PRAC2: variants seen among roughly 807,000 people sequenced by gnomAD.
PRAC2 encodes the protein protein PRAC2.
For synonymous variants in PRAC2, 43 were observed against 49.5 expected (o/e 0.87, Z 0.55); for missense variants, 92 against 114.5 (o/e 0.80, Z 0.90).
upstream of PRAC2, chr17:48,721,760 C>T (rs953755439): frequency 4.1e-6 from 6 of 1,455,236 alleles, no homozygotes; most frequent in South Asian, 1.5e-5. Flanking sequence ...ATAGAGACAG[C>T]GTCTTGCTAC....
upstream of PRAC2, chr17:48,721,747 T>G (rs1450295213): frequency 7.0e-7 from 1 of 1,432,762 alleles, no homozygotes; most frequent in Non-Finnish European, 9.2e-7. Flanking sequence ...TTTTATTGTA[T>G]AAATAGAGAC....
chr17:48,721,257 G>A (rs1038868900), upstream of PRAC2, among the ~76,000 whole-genome samples: 9 of 152,236 alleles, frequency 5.9e-5, no homozygotes, highest in African/African-American at 9.6e-5. Flanking sequence ...ACTTGGCAAG[G>A]CAGAGCTTCT....
chr17:48,724,459 G>A lies in PRAC2; in HGVS notation c.49G>A (p.Ala17Thr), dbSNP rs376980892. Residue 17 changes from alanine to threonine, a missense_variant, in exon 2 of 2, where the codon GCC becomes ACC. Transcript: ENST00000422730. ...ALRPGSRRPT[A>T]FFFHSRWLVP... ...GCGGCCTGGCTCCCGCAGACCGACC[G>A]CCTTCTTCTTCCATTCGAGATGGCT... The A allele has an allele frequency of 1.6e-4, 200 of 1,234,220 alleles. 2 individuals are homozygous for A. The African/African-American group carries it at 2.7e-3, about 16-fold the overall frequency. 76.5% of individuals were successfully genotyped at this position (1,234,220 alleles called of 1,614,324 possible).
upstream of PRAC2, chr17:48,722,241 C>G: frequency 8.0e-7 from 1 of 1,253,894 alleles, no homozygotes; most frequent in Non-Finnish European, 1.2e-6. Context: ...CTGGGAGACC[C>G]TCTCCCAGGG....
chr17:48,721,729 T>TA (rs1392398498), upstream of PRAC2: 5 of 1,346,540 alleles, frequency 3.7e-6, no homozygotes, highest in East Asian at 5.8e-5. Flanking sequence ...TTTCCTTTTT[T>TA]AAAAAAATTT....
In PRAC2 at chr17:48,724,425, G is replaced by T; in HGVS notation, c.15G>T (p.Arg5=). 8.1e-7 allele frequency: 1 copy of T among 1,234,340 alleles called. No individual in the cohort carries two copies. Among genetic ancestry groups the T allele is most frequent in the Non-Finnish European group, 1.0e-6 (1 of 988,148 alleles). The allele number at this position is 1,234,340 out of a possible 1,614,324, so 76.5% of individuals were successfully genotyped here. Residue 5 remains arginine (R), a synonymous_variant, in exon 2 of 2, where the codon CGG becomes CGT. Coordinates refer to ENST00000422730, the MANE Select transcript of PRAC2 (RefSeq NM_001282275.2). MDRR[R]MALRPGSRRP... ...ATAAAGAAGACATGGACAGAAGGCG[G>T]ATGGCTCTGCGGCCTGGCTCCCGCA...
At chr17:48,722,795 C>T (rs1325022111), upstream of PRAC2, among the ~76,000 whole-genome samples, 1 of 152,146 alleles carries the variant, frequency 6.6e-6, no homozygotes, top group Non-Finnish European at 1.5e-5. Flanking sequence ...TCCCATAAAA[C>T]TTTTAGGAAA....
intron 1 of PRAC2, chr17:48,723,659 C>G: frequency 8.2e-7 from 1 of 1,222,170 alleles, no homozygotes; most frequent in Non-Finnish European, 1.0e-6. Flanking sequence ...GCGGCGGCCT[C>G]GCAGGGTTCC....
upstream of PRAC2, among the ~76,000 whole-genome samples, chr17:48,719,239 A>ACACACACACACACG (rs1191271739): frequency 7.3e-6 from 1 of 136,612 alleles, no homozygotes; most frequent in African/African-American, 2.7e-5. Context: ...ACACACACAC[A>ACACACACACACACG]CACACGCACA....
upstream of PRAC2, among the ~76,000 whole-genome samples, chr17:48,719,239 A>ACACACACACACG (rs1191271739): frequency 2.2e-5 from 3 of 136,714 alleles, no homozygotes; most frequent in East Asian, 6.1e-4. Flanking sequence ...ACACACACAC[A>ACACACACACACG]CACACGCACA....
upstream of PRAC2, among the ~76,000 whole-genome samples, chr17:48,719,343 G>T (rs918524715): frequency 3.9e-5 from 6 of 152,192 alleles, no homozygotes; most frequent in Admixed American, 3.3e-4. Flanking sequence ...GGGTCGGATG[G>T]CTCTCCAGGC....
At chr17:48,722,530 G>A (rs1413519227), upstream of PRAC2, 2 of 719,554 alleles carry the variant, frequency 2.8e-6, no homozygotes, top group Non-Finnish European at 4.9e-6. Flanking sequence ...CGGGAGCACA[G>A]CACTGGGTGC....
chr17:48,722,411 G>A, upstream of PRAC2: 3 of 1,612,752 alleles, frequency 1.9e-6, no homozygotes, highest in South Asian at 1.1e-5. Flanking sequence ...TCTCTGCAAA[G>A]GTGGGGACCA....
chr17:48,718,937 G>A (rs1344478477), upstream of PRAC2, among the ~76,000 whole-genome samples: 1 of 152,152 alleles, frequency 6.6e-6, no homozygotes, highest in Non-Finnish European at 1.5e-5. Flanking sequence ...CCCCAAATAC[G>A]GAGGCCAGGA....
At chr17:48,718,880 C>T (rs1488751673), upstream of PRAC2, among the ~76,000 whole-genome samples, 1 of 152,224 alleles carries the variant, frequency 6.6e-6, no homozygotes, top group Admixed American at 6.5e-5. Flanking sequence ...TCCCGCAGGC[C>T]TCTTCCGATT....
chr17:48,724,326 A>T lies in PRAC2; in HGVS notation c.-83-2A>T. Reference sequence around the variant, plus strand: ...AAACGAAATTAAATATTTTTTGCACAGGTTCCATACAAGTAAATCCGAAAA... The same window carrying T: ...AAACGAAATTAAATATTTTTTGCACTGGTTCCATACAAGTAAATCCGAAAA... On this transcript the variant is annotated splice_acceptor_variant, in intron 1 of 1. Coordinates refer to ENST00000422730, the MANE Select transcript of PRAC2 (RefSeq NM_001282275.2). LOFTEE classifies it low-confidence loss of function (5UTR_SPLICE). 8.1e-7 allele frequency: 1 copy of T among 1,230,284 alleles called. No individual in the cohort carries two copies. 76.2% of individuals were successfully genotyped at this position (1,230,284 alleles called of 1,614,324 possible).
chr17:48,721,657 C>A, upstream of PRAC2: 1 of 799,502 alleles, frequency 1.3e-6, no homozygotes, highest in Non-Finnish European at 1.8e-6. Flanking sequence ...AGAGCTTTTG[C>A]CTTAAGGATG....
At chr17:48,722,151 G>T (rs79275384), upstream of PRAC2, among the ~76,000 whole-genome samples, 1,051 of 152,140 alleles carry the variant, frequency 6.9e-3, 9 homozygotes, top group African/African-American at 0.024. Context: ...GCGAGTAGGT[G>T]CTCCCGCCAG....
intron 1 of PRAC2, among the ~76,000 whole-genome samples, chr17:48,723,942 G>A (rs1221532888): frequency 6.6e-6 from 1 of 152,260 alleles, no homozygotes; most frequent in East Asian, 1.9e-4. Flanking sequence ...TTGGCTCTGA[G>A]GGAGGGGAAC....
Sources: allele counts gnomAD v4.1 joint callset (sites outside exome capture counted in the v4.1 genomes callset), GRCh38; gene constraint gnomAD v4.1.1; transcripts MANE v1.5; gene names NCBI Gene and HGNC (gene_info 2026-07-23, HGNC 2026-07-21).